Variants in CNTLN observed in about 807,000 individuals in gnomAD.
CNTLN encodes the protein centlein, centrosomal protein.
In CNTLN, 212 loss-of-function variants were observed where a neutral mutation model predicts 180.0. The observed-to-expected ratio is 1.18, with a 90% CI of 1.05 to 1.32. CNTLN has a LOEUF of 1.32. Ranked by LOEUF, CNTLN falls within the 40% of genes most tolerant of loss-of-function variation. CNTLN has a pLI of 0.00. For missense variants in CNTLN, 2,095 were observed against 1,610.9 expected (o/e 1.30, Z -5.14); for synonymous variants, 722 against 563.1 (o/e 1.28, Z -3.99).
intron 7 of CNTLN, among the ~76,000 whole-genome samples, chr9:17,305,243 T>G (rs187763417): frequency 1.9e-4 from 29 of 152,272 alleles, no homozygotes; most frequent in Admixed American, 1.2e-3. Context: ...TGAAGAATAG[T>G]AAGGATAGTA....
At position 17,259,334 on chromosome 9, in the gene CNTLN, C is replaced by G. The variant is rs553206064; in HGVS notation, c.850-14399C>G. ...ATCCCAGGGATGAAGCCCACTTGAT[C>G]ATGGTGGATAAGCTTTTTGATGTGC... On this transcript the variant is annotated intron_variant, in intron 5 of 25. Transcript: ENST00000380647. Among the ~76,000 whole-genome samples, 325 of 135,460 alleles carry G rather than the reference C, an allele frequency of 2.4e-3. 1 individual carries two copies. The highest frequency in any genetic ancestry group is 8.8e-3 in the African/African-American group (302 of 34,484). 88.9% of individuals were successfully genotyped at this position (135,460 alleles called of 152,430 possible).
chr9:17,227,689 A>G (rs1824556543), intron 3 of CNTLN, among the ~76,000 whole-genome samples: 2 of 151,972 alleles, frequency 1.3e-5, no homozygotes, highest in Admixed American at 1.3e-4. Context: ...CTACATTTCT[A>G]TCTGTTCTTT....
intron 2 of CNTLN, among the ~76,000 whole-genome samples, chr9:17,198,667 T>C (rs540135789): frequency 6.6e-6 from 1 of 151,888 alleles, no homozygotes; most frequent in Admixed American, 6.6e-5. Flanking sequence ...GGTATACATG[T>C]CTCCCTCCCC....
At chr9:17,379,084 A>G (rs1404821534) in intron 13 of CNTLN, among the ~76,000 whole-genome samples, 1 of 151,592 alleles carries the variant, frequency 6.6e-6, no homozygotes, top group African/African-American at 2.4e-5. Flanking sequence ...TAATTACTCC[A>G]CTGTCTTCTG....
At chr9:17,178,047 CTGA>C (rs1820842822) in intron 2 of CNTLN, among the ~76,000 whole-genome samples, 1 of 151,464 alleles carries the variant, frequency 6.6e-6, no homozygotes, top group Non-Finnish European at 1.5e-5. Flanking sequence ...TTCACAAACC[CTGA>C]GCTACACACA....
At chr9:17,155,490 G>A (rs1469294301) in intron 2 of CNTLN, among the ~76,000 whole-genome samples, 3 of 152,182 alleles carry the variant, frequency 2.0e-5, no homozygotes, top group African/African-American at 7.2e-5. Context: ...TGGCAGTCTG[G>A]CCACAGCAGT....
chr9:17,293,306 G>A (rs1217148777), intron 6 of CNTLN, among the ~76,000 whole-genome samples: 2 of 152,204 alleles, frequency 1.3e-5, no homozygotes, highest in Non-Finnish European at 2.9e-5. Context: ...TGGCGGAGCG[G>A]GTGCGCTGTG....
At chr9:17,400,393 T>G (rs1027195578) in intron 15 of CNTLN, among the ~76,000 whole-genome samples, 3 of 152,132 alleles carry the variant, frequency 2.0e-5, no homozygotes, top group Admixed American at 2.0e-4. Flanking sequence ...TGCCTCGGCC[T>G]CCCAAAGTGC....
intron 10 of CNTLN, among the ~76,000 whole-genome samples, chr9:17,334,910 TAAA>T (rs71303378): frequency 3.2e-4 from 39 of 122,576 alleles, no homozygotes; most frequent in Non-Finnish European, 5.1e-4. Flanking sequence ...AATCTAAAAT[TAAA>T]AAAAAAAAAA....
intron 25 of CNTLN, among the ~76,000 whole-genome samples, chr9:17,498,065 T>G (rs1226198353): frequency 1.3e-5 from 2 of 152,158 alleles, no homozygotes; most frequent in African/African-American, 4.8e-5. Context: ...ACATTTTATC[T>G]TACAAGAAGT....
chr9:17,205,804 T>C (rs1434657908), intron 2 of CNTLN, among the ~76,000 whole-genome samples: 1 of 152,200 alleles, frequency 6.6e-6, no homozygotes, highest in African/African-American at 2.4e-5. Context: ...TTATCACTGT[T>C]TTCCATGTTG....
intron 2 of CNTLN, among the ~76,000 whole-genome samples, chr9:17,187,527 C>T (rs1454677278): frequency 1.3e-5 from 2 of 151,916 alleles, no homozygotes; most frequent in Non-Finnish European, 1.5e-5. Flanking sequence ...TAATAGTTCA[C>T]ATATATTCCC....
intron 15 of CNTLN, among the ~76,000 whole-genome samples, chr9:17,401,124 A>G (rs973211286): frequency 1.3e-5 from 2 of 152,158 alleles, no homozygotes; most frequent in Middle Eastern, 3.2e-3. Context: ...GGTTCCTAGC[A>G]TTTTATTCCT....
chr9:17,299,028 G>T (rs554020146), intron 7 of CNTLN: 3 of 656,506 alleles, frequency 4.6e-6, no homozygotes, highest in Non-Finnish European at 5.7e-6. Flanking sequence ...CGAATCACAA[G>T]GTCAAGAGAT....
At chr9:17,395,128 G>C in intron 15 of CNTLN, 59 bp downstream of exon 15, 1 of 1,500,348 alleles carries the variant, frequency 6.7e-7, no homozygotes, top group South Asian at 1.4e-5. Flanking sequence ...TAAAGCACTA[G>C]CAAATGGAGA....
intron 2 of CNTLN, among the ~76,000 whole-genome samples, chr9:17,183,906 A>G (rs1473181224): frequency 6.6e-6 from 1 of 152,106 alleles, no homozygotes; most frequent in African/African-American, 2.4e-5. Flanking sequence ...TATTCACCAG[A>G]TAAGAAATGT....
intron 2 of CNTLN, among the ~76,000 whole-genome samples, chr9:17,159,224 T>C (rs1226407544): frequency 9.9e-5 from 15 of 152,214 alleles, no homozygotes; most frequent in Non-Finnish European, 1.5e-5. Flanking sequence ...CTATCCTGAC[T>C]AGAACTTCTA....
chr9:17,513,343 G>A, the CNTLN span, among the ~76,000 whole-genome samples: 106 of 150,876 alleles, frequency 7.0e-4, no homozygotes, highest in Non-Finnish European at 6.1e-4. Context: ...AGAATTAATA[G>A]CTCCAAAAGT....
chr9:17,460,074 T>A (rs1423714538), intron 19 of CNTLN, among the ~76,000 whole-genome samples: 1 of 151,772 alleles, frequency 6.6e-6, no homozygotes, highest in Non-Finnish European at 1.5e-5. Flanking sequence ...TTTATATACA[T>A]CTTTTCTATA....
Sources: gnomAD v4.1 joint callset for allele counts (sites outside exome capture counted in the v4.1 genomes callset) on GRCh38, gnomAD v4.1.1 for gene constraint, MANE v1.5 for transcripts, NCBI Gene and HGNC (gene_info 2026-07-23, HGNC 2026-07-21) for gene names.